The following PARL variants were observed in gnomAD, a reference collection of about 807,000 sequenced individuals.
PARL encodes presenilin associated rhomboid like.
A neutral mutation model predicts 51.6 loss-of-function variants in PARL; 44 were observed. That is an observed-to-expected ratio of 0.85 (90% CI 0.67 to 1.10). The LOEUF (loss-of-function observed/expected upper bound fraction) is 1.10. Among genes scored for constraint, PARL ranks in the 50% least tolerant of loss-of-function variants. The probability of loss-of-function intolerance (pLI) is 0.00; values close to 1 mark genes in which losing one functional copy is unlikely to be tolerated. For synonymous variants in PARL, 172 were observed against 164.0 expected, an observed-to-expected ratio of 1.05 and a Z score of -0.37; for missense variants, 441 against 469.5, an observed-to-expected ratio of 0.94 and a Z score of 0.56.
chr3:183,877,617 T>C (rs1036377523), intron 1 of PARL, among the ~76,000 whole-genome samples: 1 of 152,022 alleles, frequency 6.6e-6, no homozygotes, highest in African/African-American at 2.4e-5. Flanking sequence ...CAACCTTCAG[T>C]AACCGCCACT....
chr3:183,844,387 A>T, intron 4 of PARL, 61 bp from the exon 5 acceptor site: 1 of 1,010,308 alleles, frequency 9.9e-7, no homozygotes, highest in Non-Finnish European at 1.6e-6. Flanking sequence ...AGTCTGATCT[A>T]CATTACCCCC....
chr3:183,865,493 C>T (rs1732365763), intron 3 of PARL, among the ~76,000 whole-genome samples: 1 of 152,130 alleles, frequency 6.6e-6, no homozygotes, highest in Non-Finnish European at 1.5e-5. Flanking sequence ...AGCATTACCA[C>T]CAGAGCTCTG....
At chr3:183,856,226 T>C (rs565687026) in intron 4 of PARL, among the ~76,000 whole-genome samples, 4 of 152,338 alleles carry the variant, frequency 2.6e-5, no homozygotes, top group Admixed American at 2.0e-4. Flanking sequence ...AAACCCTTTT[T>C]CTCATTTTCC....
chr3:183,856,091 T>TA (rs1731148949), intron 4 of PARL, among the ~76,000 whole-genome samples: 1 of 152,194 alleles, frequency 6.6e-6, no homozygotes, highest in South Asian at 2.1e-4. Flanking sequence ...ACCCCTGCTT[T>TA]AAATGGTGAA....
rs528361812 is a variant in PARL at position 183,859,831 on chromosome 3, C to G, written c.511+2922G>C. 1.2e-4 allele frequency among the ~76,000 whole-genome samples: 18 copies of G among 152,208 alleles called. No individual in the cohort carries two copies. In the South Asian group the frequency reaches 3.5e-3, roughly 30 times the overall value. ...TTAACACTTTACTGTCTGAACTTAC[C>G]GTATCCAAAATCTTTCCATCCAAAT... On this transcript the variant is annotated intron_variant, in intron 4 of 9. Transcript: ENST00000317096.
chr3:183,873,493 C>T (rs1431058116), intron 1 of PARL, among the ~76,000 whole-genome samples: 2 of 151,768 alleles, frequency 1.3e-5, no homozygotes, highest in African/African-American at 2.4e-5. Context: ...GAGGCGAGAT[C>T]ACGCCATTGC....
At chr3:183,882,624 A>G (rs1030550406) in intron 1 of PARL, among the ~76,000 whole-genome samples, 16 of 152,170 alleles carry the variant, frequency 1.1e-4, no homozygotes, top group African/African-American at 3.4e-4. Flanking sequence ...AGGAGCCCAA[A>G]TAAGATTTTT....
At chr3:183,844,113 C>T (rs1729666819) in intron 5 of PARL, 118 bp downstream of exon 5, 1 of 779,012 alleles carries the variant, frequency 1.3e-6, no homozygotes, top group South Asian at 1.4e-5. Context: ...CTATCCTCTG[C>T]ATTTTGCTTG....
At chr3:183,872,601 T>A (rs1289135611) in intron 1 of PARL, among the ~76,000 whole-genome samples, 1 of 152,186 alleles carries the variant, frequency 6.6e-6, no homozygotes, top group Non-Finnish European at 1.5e-5. Context: ...CCCTGTTGAA[T>A]AGCTAATCCC....
intron 1 of PARL, among the ~76,000 whole-genome samples, chr3:183,873,548 CAA>C (rs11360774): frequency 3.0e-4 from 43 of 144,030 alleles, no homozygotes; most frequent in African/African-American, 7.7e-4. Context: ...GACTCCGTCT[CAA>C]AAAAAAAAAA....
At chr3:183,852,658 C>T (rs1730685337) in intron 4 of PARL, among the ~76,000 whole-genome samples, 2 of 152,284 alleles carry the variant, frequency 1.3e-5, no homozygotes, top group South Asian at 2.1e-4. Flanking sequence ...GGATTACAGG[C>T]ATGAGCCACC....
intron 9 of PARL, among the ~76,000 whole-genome samples, chr3:183,832,239 G>A (rs2108579763): frequency 6.8e-6 from 1 of 147,478 alleles, no homozygotes; most frequent in African/African-American, 2.5e-5. Context: ...TTTTTTTTGA[G>A]ACAGAGTCTC....
At chr3:183,856,917 A>C (rs1483246648) in intron 4 of PARL, among the ~76,000 whole-genome samples, 1 of 152,220 alleles carries the variant, frequency 6.6e-6, no homozygotes, top group Admixed American at 6.5e-5. Context: ...CTTATCCTAA[A>C]AATATACTTG....
At chr3:183,832,406 A>T (rs1195213174) in intron 9 of PARL, among the ~76,000 whole-genome samples, 1 of 152,014 alleles carries the variant, frequency 6.6e-6, no homozygotes, top group Non-Finnish European at 1.5e-5. Context: ...TTTTTAGTAG[A>T]GACGGGGTTT....
intron 7 of PARL, among the ~76,000 whole-genome samples, chr3:183,834,796 T>C (rs1728354445): frequency 6.6e-6 from 1 of 151,480 alleles, no homozygotes; most frequent in Admixed American, 6.6e-5. Context: ...ATCCCAGCAC[T>C]TTTGGAGGCC....
chr3:183,865,570 T>A (rs1161053315), intron 3 of PARL, among the ~76,000 whole-genome samples: 1 of 152,086 alleles, frequency 6.6e-6, no homozygotes, highest in African/African-American at 2.4e-5. Context: ...GAGATGCACA[T>A]GTGAGGGATC....
At chr3:183,838,040 G>C (rs1243331073) in intron 7 of PARL, among the ~76,000 whole-genome samples, 2 of 71,530 alleles carry the variant, frequency 2.8e-5, no homozygotes, top group Admixed American at 2.7e-4. Context: ...TTTTTTTTTT[G>C]AGATGGGGTC....
chr3:183,862,239 T>A (rs535974574), intron 4 of PARL, among the ~76,000 whole-genome samples: 1 of 152,136 alleles, frequency 6.6e-6, no homozygotes, highest in Non-Finnish European at 1.5e-5. Context: ...ATAAATAGCA[T>A]GGGGGAGAAG....
chr3:183,858,422 G>C (rs1156600971), intron 4 of PARL, among the ~76,000 whole-genome samples: 1 of 152,216 alleles, frequency 6.6e-6, no homozygotes, highest in African/African-American at 2.4e-5. Context: ...CTGGAGAGTA[G>C]TAGTGACTAA....
Sources: gnomAD v4.1 joint callset for allele counts (sites outside exome capture counted in the v4.1 genomes callset) on GRCh38, gnomAD v4.1.1 for gene constraint, MANE v1.5 for transcripts, NCBI Gene and HGNC (gene_info 2026-07-23, HGNC 2026-07-21) for gene names.